Variants in FGF12 observed in about 807,000 individuals in gnomAD.
FGF12 encodes the protein fibroblast growth factor 12, also known as fibroblast growth factor 12B.
In FGF12, 14 loss-of-function variants were observed where a neutral mutation model predicts 23.6. The ratio of observed to expected loss-of-function variants is 0.59; its 90% CI spans 0.39 to 0.93. The LOEUF (loss-of-function observed/expected upper bound fraction) is 0.93. Ranked by LOEUF, FGF12 falls within the 40% of genes least tolerant of loss-of-function variation. The probability of loss-of-function intolerance (pLI) is 0.00; values close to 1 mark genes in which losing one functional copy is unlikely to be tolerated. For synonymous variants in FGF12, 62 were observed against 77.3 expected (o/e 0.80, Z 1.04); for missense variants, 175 against 217.8 (o/e 0.80, Z 1.24).
intron 2 of FGF12, among the ~76,000 whole-genome samples, chr3:192,446,451 T>C (rs548071150): frequency 6.6e-6 from 1 of 152,300 alleles, no homozygotes; most frequent in East Asian, 1.9e-4. Flanking sequence ...AAGCAAATGC[T>C]CGTTGAGCAC....
At chr3:192,636,121 G>A (rs1221126017) in intron 2 of FGF12, among the ~76,000 whole-genome samples, 1 of 152,106 alleles carries the variant, frequency 6.6e-6, no homozygotes, top group East Asian at 1.9e-4. Flanking sequence ...AATCCTTGAT[G>A]TACTGAGACC....
At chr3:192,297,795 C>G (rs1715127164) in intron 4 of FGF12, among the ~76,000 whole-genome samples, 2 of 152,102 alleles carry the variant, frequency 1.3e-5, no homozygotes, top group South Asian at 4.1e-4. Flanking sequence ...GTTAGCAGTG[C>G]TGTTTTGATA....
intron 2 of FGF12, among the ~76,000 whole-genome samples, chr3:192,587,651 G>A (rs570758600): frequency 4.0e-4 from 61 of 151,750 alleles, no homozygotes; most frequent in Non-Finnish European, 2.9e-5. Flanking sequence ...CCCTATCACT[G>A]TATTTTTAAT....
chr3:192,444,411 T>C (rs1384293946), intron 2 of FGF12, among the ~76,000 whole-genome samples: 3 of 150,446 alleles, frequency 2.0e-5, no homozygotes, highest in Middle Eastern at 3.4e-3. Flanking sequence ...TTGTTCCTTT[T>C]GTCTTTTTTT....
intron 2 of FGF12, among the ~76,000 whole-genome samples, chr3:192,619,559 T>C (rs1714893142): frequency 6.6e-6 from 1 of 152,136 alleles, no homozygotes; most frequent in South Asian, 2.1e-4. Context: ...AGAACTTTTA[T>C]TGGCAAGTTT....
chr3:192,589,607 C>T (rs1300904876), intron 2 of FGF12, among the ~76,000 whole-genome samples: 2 of 151,810 alleles, frequency 1.3e-5, no homozygotes, highest in Admixed American at 1.3e-4. Flanking sequence ...TATAGAACAC[C>T]CATTATGTAA....
chr3:192,529,406 T>C (rs1221020826), intron 2 of FGF12, among the ~76,000 whole-genome samples: 2 of 152,186 alleles, frequency 1.3e-5, no homozygotes, highest in African/African-American at 4.8e-5. Context: ...ATTATCAGCA[T>C]TTTGGTCAAA....
intron 2 of FGF12, among the ~76,000 whole-genome samples, chr3:192,434,003 T>C (rs1721939934): frequency 1.3e-5 from 2 of 152,174 alleles, no homozygotes; most frequent in Non-Finnish European, 2.9e-5. Flanking sequence ...AAGCTAAATG[T>C]ATCCCCAGTT....
chr3:192,546,134 T>C (rs1359078608), intron 2 of FGF12, among the ~76,000 whole-genome samples: 1 of 152,242 alleles, frequency 6.6e-6, no homozygotes, highest in East Asian at 1.9e-4. Flanking sequence ...ATTCAAATCC[T>C]GGTTCTGTCA....
At chr3:192,686,808 T>C (rs1717755719) in intron 2 of FGF12, among the ~76,000 whole-genome samples, 1 of 149,556 alleles carries the variant, frequency 6.7e-6, no homozygotes, top group Non-Finnish European at 1.5e-5. Context: ...AATGACTTTT[T>C]TCTCTAATTT....
At chr3:192,641,727 G>A (rs536492403) in intron 2 of FGF12, among the ~76,000 whole-genome samples, 5 of 152,218 alleles carry the variant, frequency 3.3e-5, no homozygotes, top group Admixed American at 3.3e-4. Flanking sequence ...TTTTTATATG[G>A]TTGAAAAGAA....
chr3:192,300,170 C>G (rs1388250128), intron 4 of FGF12, among the ~76,000 whole-genome samples: 1 of 152,180 alleles, frequency 6.6e-6, no homozygotes, highest in Admixed American at 6.6e-5. Flanking sequence ...TAGCACCTAC[C>G]AGGTGTCCTG....
intron 2 of FGF12, among the ~76,000 whole-genome samples, chr3:192,646,564 C>T (rs1716013564): frequency 6.6e-6 from 1 of 152,110 alleles, no homozygotes; most frequent in African/African-American, 2.4e-5. Context: ...ATATGTACTG[C>T]AAGAATGACC....
intron 2 of FGF12, among the ~76,000 whole-genome samples, chr3:192,523,996 A>G (rs1029482676): frequency 2.6e-5 from 4 of 152,198 alleles, no homozygotes; most frequent in African/African-American, 9.7e-5. Context: ...GGTTTTAGGG[A>G]ATAAAATTTT....
chr3:192,249,765 G>GGA (rs1157511984), intron 4 of FGF12, among the ~76,000 whole-genome samples: 1 of 152,146 alleles, frequency 6.6e-6, no homozygotes, highest in Admixed American at 6.5e-5. Context: ...ACTACAAAAG[G>GGA]GAGAGGCATG....
chr3:192,252,618 A>G (rs1369198824), intron 4 of FGF12, among the ~76,000 whole-genome samples: 1 of 152,016 alleles, frequency 6.6e-6, no homozygotes, highest in Non-Finnish European at 1.5e-5. Context: ...ACTAGAATCA[A>G]TGTCTCTGTC....
At chr3:192,626,376 C>A (rs1283820401) in intron 2 of FGF12, among the ~76,000 whole-genome samples, 1 of 152,004 alleles carries the variant, frequency 6.6e-6, no homozygotes. Flanking sequence ...TAAGTATACA[C>A]CCTATATTTG....
chr3:192,521,662 A>G (rs1724816226), intron 2 of FGF12, among the ~76,000 whole-genome samples: 2 of 152,120 alleles, frequency 1.3e-5, no homozygotes, highest in South Asian at 4.2e-4. Flanking sequence ...GAGACCTACC[A>G]TAGAAGCCAC....
chr3:192,264,783 A>C (rs188514981), intron 4 of FGF12, among the ~76,000 whole-genome samples: 1 of 152,094 alleles, frequency 6.6e-6, no homozygotes, highest in Non-Finnish European at 1.5e-5. Context: ...CTCAACCAAC[A>C]AGAGTGGAAT....
Sources: allele counts gnomAD v4.1 joint callset (sites outside exome capture counted in the v4.1 genomes callset), GRCh38; gene constraint gnomAD v4.1.1; transcripts MANE v1.5; gene names NCBI Gene and HGNC (gene_info 2026-07-23, HGNC 2026-07-21).